Variants in FARS2 observed in about 807,000 individuals in gnomAD.
The protein encoded by FARS2 is phenylalanyl-tRNA synthetase 2, mitochondrial, also known as phenylalanine--tRNA ligase, mitochondrial.
FARS2 carries 40 observed loss-of-function variants against 46.4 expected under a neutral mutation model. The ratio of observed to expected loss-of-function variants is 0.86; its 90% CI spans 0.67 to 1.12. FARS2 has a LOEUF of 1.12. Among genes scored for constraint, FARS2 ranks in the 50% most tolerant of loss-of-function variants. The pLI is 0.00. For missense variants in FARS2, 513 were observed against 567.9 expected (o/e 0.90, Z 0.98); for synonymous variants, 234 against 214.9 (o/e 1.09, Z -0.78).
At chr6:5,746,283 T>C (rs1422935095) in intron 6 of FARS2, among the ~76,000 whole-genome samples, 2 of 152,052 alleles carry the variant, frequency 1.3e-5, no homozygotes, top group African/African-American at 2.4e-5. Flanking sequence ...GGTCCTTAGA[T>C]GGTGCGTGGA....
chr6:5,509,154 C>T (rs565772868), intron 4 of FARS2, among the ~76,000 whole-genome samples: 6 of 152,186 alleles, frequency 3.9e-5, no homozygotes, highest in Admixed American at 6.5e-5. Flanking sequence ...AGAGAATAGA[C>T]GTAGACATTA....
At chr6:5,470,736 A>G (rs577826597) in intron 4 of FARS2, among the ~76,000 whole-genome samples, 2 of 152,364 alleles carry the variant, frequency 1.3e-5, no homozygotes, top group East Asian at 3.9e-4. Context: ...TAAAAATTCC[A>G]AGAAAAACAA....
chr6:5,260,598 T>TGCCCCGGCCCCCGGCCCCCCCCCCCCCC, upstream of FARS2: 1 of 1,105,568 alleles, frequency 9.0e-7, no homozygotes, highest in Non-Finnish European at 1.3e-6. Flanking sequence ...GCACCCCCGG[T>TGCCCCGGCCCCCGGCCCCCCCCCCCCCC]CCCCGGCCCC....
rs9378426 is a variant in FARS2, at chr6:5,480,343, A to G, written c.904+49171A>G. Among the ~76,000 whole-genome samples, 50 of 152,374 alleles carry G rather than the reference A, an allele frequency of 3.3e-4. No homozygotes were observed. In the East Asian group the frequency reaches 9.2e-3, roughly 28 times the overall value. On this transcript the variant is annotated intron_variant, in intron 4 of 6. Transcript: ENST00000274680. Reference sequence around the variant, plus strand: ...GGATGTAATTTGTCACAGATTCAATATGAGTTAACTTATAATAAGGCTGTT... The same window carrying G: ...GGATGTAATTTGTCACAGATTCAATGTGAGTTAACTTATAATAAGGCTGTT...
At chr6:5,420,330 G>A (rs886551094) in intron 3 of FARS2, among the ~76,000 whole-genome samples, 3 of 152,076 alleles carry the variant, frequency 2.0e-5, no homozygotes, top group Admixed American at 1.3e-4. Flanking sequence ...AACCAATCAT[G>A]CCTTCTCAAC....
chr6:5,712,556 A>G (rs1160606394), intron 6 of FARS2, among the ~76,000 whole-genome samples: 2 of 152,226 alleles, frequency 1.3e-5, no homozygotes. Flanking sequence ...GGAAATGTAG[A>G]CAGTTCCTGT....
intron 5 of FARS2, among the ~76,000 whole-genome samples, chr6:5,567,242 T>G (rs1479903283): frequency 2.0e-5 from 3 of 152,250 alleles, no homozygotes; most frequent in African/African-American, 7.2e-5. Flanking sequence ...GGATTTTGAT[T>G]TGCATTTCTC....
intron 3 of FARS2, among the ~76,000 whole-genome samples, chr6:5,422,027 C>A (rs1420173583): frequency 1.3e-5 from 2 of 152,180 alleles, no homozygotes; most frequent in Non-Finnish European, 2.9e-5. Context: ...TAAAAACATA[C>A]CTGAGACTGG....
chr6:5,395,352 C>T (rs1274385824), intron 2 of FARS2, among the ~76,000 whole-genome samples: 1 of 151,998 alleles, frequency 6.6e-6, no homozygotes, highest in Non-Finnish European at 1.5e-5. Context: ...TGCCTGGCCA[C>T]TGATTGGTTT....
intron 6 of FARS2, among the ~76,000 whole-genome samples, chr6:5,718,077 C>G (rs1759645331): frequency 6.6e-6 from 1 of 151,950 alleles, no homozygotes; most frequent in Admixed American, 6.6e-5. Context: ...CCACGCCTGG[C>G]TAATTTTTGT....
intron 6 of FARS2, among the ~76,000 whole-genome samples, chr6:5,761,160 C>G (rs1762457168): frequency 6.6e-6 from 1 of 152,196 alleles, no homozygotes; most frequent in African/African-American, 2.4e-5. Context: ...ATCTCATCTC[C>G]TCTGCCAGTC....
chr6:5,400,276 T>A (rs954367618), intron 2 of FARS2, among the ~76,000 whole-genome samples: 5 of 152,200 alleles, frequency 3.3e-5, no homozygotes, highest in Non-Finnish European at 7.4e-5. Context: ...TGATGAATTG[T>A]CTGTTCTTTT....
At chr6:5,648,788 A>G (rs775865266) in intron 6 of FARS2, among the ~76,000 whole-genome samples, 2 of 152,196 alleles carry the variant, frequency 1.3e-5, no homozygotes, top group Non-Finnish European at 2.9e-5. Context: ...TTATATAAAA[A>G]TATTACGTAT....
intron 1 of FARS2, among the ~76,000 whole-genome samples, chr6:5,265,402 A>G (rs2127806951): frequency 6.6e-6 from 1 of 152,256 alleles, no homozygotes; most frequent in Non-Finnish European, 1.5e-5. Flanking sequence ...TATTTTAGTG[A>G]TGTTTTCTCT....
intron 6 of FARS2, among the ~76,000 whole-genome samples, chr6:5,690,532 C>G (rs1757619689): frequency 6.6e-6 from 1 of 151,468 alleles, no homozygotes; most frequent in Admixed American, 6.6e-5. Context: ...GGCCCCCACT[C>G]TCTTCTGGCT....
chr6:5,706,009 G>A (rs564021588), intron 6 of FARS2, among the ~76,000 whole-genome samples: 10 of 152,284 alleles, frequency 6.6e-5, no homozygotes, highest in South Asian at 2.1e-4. Flanking sequence ...AGTCCCCAAC[G>A]TTTTTGGCAG....
At chr6:5,323,859 C>A (rs751561669) in intron 1 of FARS2, among the ~76,000 whole-genome samples, 2 of 152,182 alleles carry the variant, frequency 1.3e-5, no homozygotes, top group African/African-American at 2.4e-5. Context: ...GTCAGCATGA[C>A]CATAAACCAC....
chr6:5,558,641 A>G (rs1283236059), intron 5 of FARS2, among the ~76,000 whole-genome samples: 3 of 151,886 alleles, frequency 2.0e-5, no homozygotes, highest in Non-Finnish European at 2.9e-5. Flanking sequence ...GGTTCATGCC[A>G]TTCTCCTGCC....
chr6:5,749,184 G>T (rs1446739653), intron 6 of FARS2, among the ~76,000 whole-genome samples: 2 of 152,218 alleles, frequency 1.3e-5, no homozygotes, highest in African/African-American at 4.8e-5. Context: ...TCCAGGTCTG[G>T]GAGTGGGAGC....
Sources: allele counts gnomAD v4.1 joint callset (sites outside exome capture counted in the v4.1 genomes callset), GRCh38; gene constraint gnomAD v4.1.1; transcripts MANE v1.5; gene names NCBI Gene and HGNC (gene_info 2026-07-23, HGNC 2026-07-21).